COL4A4: variants seen among roughly 807,000 people sequenced by gnomAD.
COL4A4 encodes the protein collagen alpha-4(IV) chain.
Under a neutral mutation model 192.9 loss-of-function variants are expected in COL4A4, and 105 were observed. That is an observed-to-expected ratio of 0.54 (90% confidence interval 0.46 to 0.64). COL4A4 has a LOEUF of 0.64. Ranked by LOEUF, COL4A4 falls within the 30% of genes least tolerant of loss-of-function variation. COL4A4 has a pLI of 0.00. For synonymous variants in COL4A4, 762 were observed against 769.9 expected, an observed-to-expected ratio of 0.99 and a Z score of 0.17; for missense variants, 1,967 against 2,169.3, an observed-to-expected ratio of 0.91 and a Z score of 1.85.
the COL4A4 span, chr2:226,997,355 C>T: frequency 6.6e-6 from 1 of 152,332 alleles, no homozygotes. Flanking sequence ...TTTCATGCCA[C>T]TTTTATAGCA....
chr2:227,107,898 C>CA (rs1204804255), intron 12 of COL4A4, among the ~76,000 whole-genome samples: 5 of 151,916 alleles, frequency 3.3e-5, no homozygotes, highest in African/African-American at 9.7e-5. Flanking sequence ...CCTGGGACTA[C>CA]AGGCACGCAC....
At chr2:226,969,717 G>T in the COL4A4 span, among the ~76,000 whole-genome samples, 10 of 152,162 alleles carry the variant, frequency 6.6e-5, no homozygotes, top group Non-Finnish European at 1.2e-4. Context: ...TAATCCATAT[G>T]TTCCTGAGTC....
intron 34 of COL4A4, 73 bp downstream of exon 34, chr2:227,049,995 G>GTAAAAAAAAAAAAAAATGTAAAAAA: frequency 7.1e-7 from 1 of 1,407,944 alleles, no homozygotes; most frequent in South Asian, 1.2e-5. Flanking sequence ...CATGTAAAAG[G>GTAAAAAAAAAAAAAAATGTAAAAAA]CACTTGTTTA....
chr2:227,100,770 T>C (rs1482137872), intron 17 of COL4A4, among the ~76,000 whole-genome samples: 1 of 149,078 alleles, frequency 6.7e-6, no homozygotes, highest in African/African-American at 2.5e-5. Flanking sequence ...CAGTGGGAGG[T>C]GATTGAATTA....
In COL4A4 at chr2:227,104,120, A is replaced by G. The variant is rs571311282; in HGVS notation, c.736-68T>C. 13 of 1,336,728 alleles carry G rather than the reference A, an allele frequency of 9.7e-6. No homozygotes were observed. The Admixed American group carries it at 2.0e-4, about 21-fold the overall frequency. 82.8% of individuals were successfully genotyped at this position (1,336,728 alleles called of 1,614,324 possible). On this transcript the variant is annotated intron_variant, in intron 12 of 47. Coordinates refer to ENST00000396625, the MANE Select transcript of COL4A4 (RefSeq NM_000092.5). Reference sequence around the variant, plus strand: ...ATGTTTTGAAGGTTTTCACCCATGTATTGTGGTATAATGCTTCCAATCCTA... The same window carrying G: ...ATGTTTTGAAGGTTTTCACCCATGTGTTGTGGTATAATGCTTCCAATCCTA...
At chr2:227,059,287 C>T (rs1976272414) in intron 28 of COL4A4, 118 bp downstream of exon 28, 1 of 890,648 alleles carries the variant, frequency 1.1e-6, no homozygotes, top group African/African-American at 1.6e-5. Context: ...AGGGAAAACA[C>T]TTGGGTAAAC....
At chr2:227,131,137 C>G (rs1280946127) in intron 4 of COL4A4, among the ~76,000 whole-genome samples, 2 of 150,650 alleles carry the variant, frequency 1.3e-5, no homozygotes, top group Non-Finnish European at 3.0e-5. Flanking sequence ...GAAAATCTGT[C>G]TGCTTTTTTT....
At chr2:227,046,033 T>C (rs967797757) in intron 35 of COL4A4, among the ~76,000 whole-genome samples, 14 of 136,966 alleles carry the variant, frequency 1.0e-4, no homozygotes, top group Admixed American at 8.3e-4. Context: ...TATATATGTA[T>C]ACATATATAC....
intron 37 of COL4A4, among the ~76,000 whole-genome samples, chr2:227,041,884 A>AAGAG (rs1245518074): frequency 6.8e-6 from 1 of 146,694 alleles, no homozygotes; most frequent in African/African-American, 2.6e-5. Context: ...GAAAGAAAGA[A>AAGAG]AGAAAGAAAG....
intron 6 of COL4A4, among the ~76,000 whole-genome samples, chr2:227,119,439 T>C (rs1307923775): frequency 6.7e-6 from 1 of 149,436 alleles, no homozygotes; most frequent in South Asian, 2.1e-4. Flanking sequence ...TATTATGATA[T>C]ATAAACTATA....
chr2:227,154,467 G>A (rs1006113310), intron 1 of COL4A4, among the ~76,000 whole-genome samples: 7 of 152,198 alleles, frequency 4.6e-5, no homozygotes, highest in African/African-American at 1.7e-4. Context: ...TCCAGTCACA[G>A]AAAGGTAACA....
intron 20 of COL4A4, among the ~76,000 whole-genome samples, chr2:227,091,013 T>C (rs1189065729): frequency 3.3e-5 from 5 of 151,364 alleles, no homozygotes; most frequent in Non-Finnish European, 5.9e-5. Flanking sequence ...CAAAACAGGA[T>C]GATTTGTCTA....
At chr2:227,157,020 A>C (rs1424062968) in intron 1 of COL4A4, among the ~76,000 whole-genome samples, 1 of 152,198 alleles carries the variant, frequency 6.6e-6, no homozygotes, top group East Asian at 1.9e-4. Context: ...ATACCAAGCC[A>C]TAATAGTATA....
rs1263397268 is a variant in COL4A4, at chr2:227,078,056, G to A, written c.1825C>T (p.Pro609Ser). The A allele has an allele frequency of 6.2e-7, 1 of 1,613,904 alleles. No individual in the cohort carries two copies. Among genetic ancestry groups the A allele is most frequent in the Admixed American group, 1.7e-5 (1 of 59,988 alleles). The change falls in exon 25 of 48, where the codon CCA (proline) becomes TCA (serine). Residue 609 changes from proline to serine, a missense_variant. By Grantham distance (74) the Pro-to-Ser change is moderately conservative. Transcript: ENST00000396625. ...GGTCCAGGAAATCCTTTACCACCTGGGGTCGCATCTTCATGATCCCCCTGG... is the reference window on the plus strand; with the variant it reads ...GGTCCAGGAAATCCTTTACCACCTGAGGTCGCATCTTCATGATCCCCCTGG... ...GPPGDHEDATPGGKGFPGPLG... is the reference protein window; with the variant it reads ...GPPGDHEDATSGGKGFPGPLG...
intron 35 of COL4A4, among the ~76,000 whole-genome samples, chr2:227,046,090 T>C (rs1343402782): frequency 1.5e-5 from 1 of 66,316 alleles, no homozygotes; most frequent in South Asian, 6.0e-4. Context: ...TAGATATATA[T>C]GTACATATAT....
intron 1 of COL4A4, among the ~76,000 whole-genome samples, chr2:227,163,257 G>C (rs1174938179): frequency 1.3e-5 from 2 of 152,164 alleles, no homozygotes; most frequent in Admixed American, 1.3e-4. Flanking sequence ...GGCAGTTCTT[G>C]ATAATTTGCA....
At chr2:226,990,268 C>CT in the COL4A4 span, among the ~76,000 whole-genome samples, 1 of 152,070 alleles carries the variant, frequency 6.6e-6, no homozygotes, top group Non-Finnish European at 1.5e-5. Flanking sequence ...ATTTTGGGAG[C>CT]TTTGCAGTTC....
the COL4A4 span, chr2:226,995,473 C>T: frequency 6.2e-7 from 1 of 1,613,306 alleles, no homozygotes; most frequent in Middle Eastern, 1.6e-4. Context: ...TTTCATCTCT[C>T]ACCAGAAGAA....
intron 3 of COL4A4, among the ~76,000 whole-genome samples, chr2:227,142,205 G>A (rs1212944696): frequency 2.6e-5 from 4 of 151,548 alleles, no homozygotes; most frequent in African/African-American, 9.7e-5. Context: ...GTTATTCTAC[G>A]TAAACATTCC....
Sources: gnomAD v4.1 joint callset for allele counts (sites outside exome capture counted in the v4.1 genomes callset) on GRCh38, gnomAD v4.1.1 for gene constraint, MANE v1.5 for transcripts, NCBI Gene and HGNC (gene_info 2026-07-23, HGNC 2026-07-21) for gene names.